The following GNA12 variants were observed in gnomAD, a reference collection of about 807,000 sequenced individuals.
The protein encoded by GNA12 is guanine nucleotide-binding protein subunit alpha-12.
GNA12 carries 9 observed loss-of-function variants against 26.0 expected under a neutral mutation model. That is an observed-to-expected ratio of 0.35 (90% CI 0.21 to 0.60). The LOEUF is 0.60. Among genes scored for constraint, GNA12 ranks in the 20% least tolerant of loss-of-function variants. The probability of loss-of-function intolerance (pLI) is 0.78; values close to 1 mark genes in which losing one functional copy is unlikely to be tolerated. For missense variants in GNA12, 405 were observed against 525.8 expected (o/e 0.77, Z 2.25); for synonymous variants, 264 against 219.6 (o/e 1.20, Z -1.79).
In GNA12 at chr7:2,813,069, G is replaced by A. The variant is rs893375358; in HGVS notation, c.310-17926C>T. 3.9e-5 allele frequency among the ~76,000 whole-genome samples: 6 copies of A among 152,054 alleles called. No individual in the cohort carries two copies. The East Asian group carries it at 9.7e-4, about 24-fold the overall frequency. ...GTCTCCTGAGTAGCTGGGAATTACCGGCATTCACCACCATACCCAGCTAAT... is the reference window on the plus strand; with the variant it reads ...GTCTCCTGAGTAGCTGGGAATTACCAGCATTCACCACCATACCCAGCTAAT... On this transcript the variant is annotated intron_variant, in intron 1 of 3. Transcript: ENST00000275364.
At chr7:2,837,015 T>C (rs376794533) in intron 1 of GNA12, among the ~76,000 whole-genome samples, 10 of 152,108 alleles carry the variant, frequency 6.6e-5, no homozygotes, top group Non-Finnish European at 8.8e-5. Context: ...GAGGGGGAAA[T>C]TGATCTTCTA....
chr7:2,763,775 T>G (rs1331794984), intron 2 of GNA12, among the ~76,000 whole-genome samples: 6 of 152,194 alleles, frequency 3.9e-5, no homozygotes, highest in Non-Finnish European at 1.5e-5. Flanking sequence ...CTGCTTTTCC[T>G]GTCGCCTGGA....
In GNA12 at chr7:2,789,237, G is replaced by A. The variant is rs373051231; in HGVS notation, c.525+5691C>T. On this transcript the variant is annotated intron_variant, in intron 2 of 3. Coordinates refer to ENST00000275364, the MANE Select transcript of GNA12 (RefSeq NM_007353.3). ...TGCAAGCTCCGCCTCCCGGGTTCAC[G>A]CCATTCTCCTGCCTCAGCCTCCCAA... Among the ~76,000 whole-genome samples, 145 of 137,120 alleles carry A rather than the reference G, an allele frequency of 1.1e-3. 1 individual carries two copies. In the East Asian group the frequency reaches 0.022, roughly 20 times the overall value. The allele number at this position is 137,120 out of a possible 152,430, so 90.0% of individuals were successfully genotyped here.
At chr7:2,826,456 G>A (rs539369440) in intron 1 of GNA12, among the ~76,000 whole-genome samples, 1 of 151,012 alleles carries the variant, frequency 6.6e-6, no homozygotes, top group East Asian at 1.9e-4. Flanking sequence ...GAAATGAGTT[G>A]AACACTTATG....
chr7:2,822,770 C>G (rs960161180), intron 1 of GNA12, among the ~76,000 whole-genome samples: 2 of 152,164 alleles, frequency 1.3e-5, no homozygotes, highest in African/African-American at 4.8e-5. Context: ...TATGATCGCC[C>G]CACTGCACTC....
intron 2 of GNA12, among the ~76,000 whole-genome samples, chr7:2,758,956 A>G (rs1237711547): frequency 6.6e-6 from 1 of 152,014 alleles, no homozygotes; most frequent in East Asian, 1.9e-4. Flanking sequence ...GCCTCCTGAT[A>G]TGGTGAAACA....
chr7:2,844,306 G>C lies in GNA12; in HGVS notation c.-145C>G, dbSNP rs1485480886. ...CCGCCGCCGCCGCTGCAGTCGCTCC[G>C]AGGCCCGCACTCGTCGCCCGGCCGC... On this transcript the variant is annotated 5_prime_UTR_variant, in exon 1 of 4. Transcript: ENST00000275364. The C allele has an allele frequency of 7.9e-6, 2 of 254,316 alleles. No individual in the cohort carries two copies. Among genetic ancestry groups the C allele is most frequent in the East Asian group, 3.6e-4 (2 of 5,520 alleles). 15.8% of individuals were successfully genotyped at this position (254,316 alleles called of 1,614,324 possible).
At chr7:2,839,536 A>G (rs1649004655) in intron 1 of GNA12, among the ~76,000 whole-genome samples, 1 of 152,124 alleles carries the variant, frequency 6.6e-6, no homozygotes, top group South Asian at 2.1e-4. Context: ...GGCACCTGCT[A>G]CTGCACCCAG....
intron 2 of GNA12, among the ~76,000 whole-genome samples, chr7:2,771,135 A>G (rs556434700): frequency 6.6e-6 from 1 of 152,254 alleles, no homozygotes; most frequent in African/African-American, 2.4e-5. Flanking sequence ...TACTAAAAAT[A>G]CAAAAATTAG....
At chr7:2,826,034 T>C (rs570284605) in intron 1 of GNA12, among the ~76,000 whole-genome samples, 4 of 152,202 alleles carry the variant, frequency 2.6e-5, no homozygotes, top group East Asian at 1.9e-4. Context: ...TCTCATTCCC[T>C]GCTCTGGGAA....
intron 3 of GNA12, among the ~76,000 whole-genome samples, chr7:2,733,027 C>T (rs375860593): frequency 8.5e-5 from 13 of 152,322 alleles, no homozygotes; most frequent in African/African-American, 2.9e-4. Context: ...TGTCATTTTT[C>T]GTCTTGTCTT....
intron 2 of GNA12, among the ~76,000 whole-genome samples, chr7:2,758,370 A>G (rs114710241): frequency 6.6e-6 from 1 of 152,172 alleles, no homozygotes; most frequent in Non-Finnish European, 1.5e-5. Flanking sequence ...AAAAGCTCCA[A>G]TGCAGGCTTG....
At chr7:2,797,869 A>C (rs889179297) in intron 1 of GNA12, among the ~76,000 whole-genome samples, 4 of 152,216 alleles carry the variant, frequency 2.6e-5, no homozygotes, top group African/African-American at 9.6e-5. Flanking sequence ...AACTTTAAGA[A>C]GCAGTATCTG....
chr7:2,805,650 T>G (rs1792928759), intron 1 of GNA12, among the ~76,000 whole-genome samples: 1 of 152,264 alleles, frequency 6.6e-6, no homozygotes, highest in South Asian at 2.1e-4. Flanking sequence ...GAGCCAGAGC[T>G]GAGCTGACCT....
intron 1 of GNA12, among the ~76,000 whole-genome samples, chr7:2,831,091 T>A (rs1793595205): frequency 6.6e-6 from 1 of 152,114 alleles, no homozygotes; most frequent in Non-Finnish European, 1.5e-5. Flanking sequence ...TTTGTTGACT[T>A]GCTGTCCCAA....
At chr7:2,824,033 C>T (rs537633664) in intron 1 of GNA12, among the ~76,000 whole-genome samples, 2 of 152,332 alleles carry the variant, frequency 1.3e-5, no homozygotes, top group East Asian at 3.9e-4. Flanking sequence ...GACTCCTTTT[C>T]CAGTTGAACA....
At chr7:2,751,086 G>C (rs1791011741) in intron 2 of GNA12, among the ~76,000 whole-genome samples, 1 of 152,150 alleles carries the variant, frequency 6.6e-6, no homozygotes, top group Non-Finnish European at 1.5e-5. Context: ...GAAATCTGTT[G>C]CTTTACATGC....
intron 2 of GNA12, among the ~76,000 whole-genome samples, chr7:2,760,791 C>T (rs1050109336): frequency 1.3e-5 from 2 of 152,234 alleles, no homozygotes; most frequent in Non-Finnish European, 2.9e-5. Flanking sequence ...ACTGCTGGAC[C>T]GTCCCAGCTG....
chr7:2,735,988 G>A (rs539254510), intron 2 of GNA12, among the ~76,000 whole-genome samples: 4 of 152,116 alleles, frequency 2.6e-5, no homozygotes, highest in African/African-American at 4.8e-5. Context: ...GGTGCACTGC[G>A]GTTCACCAAC....
Sources: allele counts gnomAD v4.1 joint callset (sites outside exome capture counted in the v4.1 genomes callset), GRCh38; gene constraint gnomAD v4.1.1; transcripts MANE v1.5; gene names NCBI Gene and HGNC (gene_info 2026-07-23, HGNC 2026-07-21).